GRAMD2A: variants seen among roughly 807,000 people sequenced by gnomAD.
GRAMD2A encodes the protein GRAM domain containing 2A.
In GRAMD2A, 37 loss-of-function variants were observed where a neutral mutation model predicts 51.1. The observed-to-expected ratio is 0.72, with a 90% CI of 0.56 to 0.95. GRAMD2A has a LOEUF of 0.95. GRAMD2A is among the 40% of genes least tolerant of loss of function. The probability of loss-of-function intolerance (pLI) is 0.00; values close to 1 mark genes in which losing one functional copy is unlikely to be tolerated. For missense variants in GRAMD2A, 414 were observed against 426.9 expected, an observed-to-expected ratio of 0.97 and a Z score of 0.27; for synonymous variants, 136 against 157.1, an observed-to-expected ratio of 0.87 and a Z score of 1.01.
chr15:72,167,764 T>C lies in GRAMD2A; in HGVS notation c.344A>G (p.His115Arg). ...GATATCCTTGCCAAAGAGGCTGGCA[T>C]GGAAGCAGAGCCAGTTGGGGGAGAT... is the stretch of plus-strand genomic sequence containing the variant. ...LYISPNWLCF[H>R]ASLFGKDIKV... Residue 115 changes from histidine (H) to arginine (R), a missense_variant, in exon 5 of 12, where the codon CAT becomes CGT. Transcript: ENST00000309731. 1 of 1,613,806 alleles carries C rather than the reference T, an allele frequency of 6.2e-7. No individual in the cohort carries two copies. Among genetic ancestry groups the C allele is most frequent in the Non-Finnish European group, 8.5e-7 (1 of 1,179,768 alleles).
chr15:72,167,584 A>G, intron 5 of GRAMD2A, 152 bp downstream of exon 5: 2 of 664,744 alleles, frequency 3.0e-6, no homozygotes, highest in Non-Finnish European at 5.3e-6. Context: ...TGGACACTGG[A>G]TGGGATGCCT....
In GRAMD2A at chr15:72,166,596, C is replaced by T. The variant is rs571962488; in HGVS notation, c.543+36G>A. On this transcript the variant is annotated intron_variant, in intron 7 of 11. Coordinates refer to ENST00000309731, the MANE Select transcript of GRAMD2A (RefSeq NM_001012642.3). The surrounding 1 kb of genome is among the most constrained non-coding windows in gnomAD (Gnocchi z 4.1). ...TGCAAGACCTGCATCCAGGCCTGAG[C>T]GACTTCCCTGGCCTTCCTGCTCCCA... The T allele has an allele frequency of 3.2e-5, 49 of 1,536,220 alleles. No homozygotes were observed. In the African/African-American group the frequency reaches 4.2e-4, roughly 13 times the overall value.
chr15:72,166,991 G>A lies in GRAMD2A; in HGVS notation c.471+3C>T. 6.2e-7 allele frequency: 1 copy of A among 1,611,102 alleles called. No homozygotes were observed. The highest frequency in any genetic ancestry group is 8.5e-7 in the Non-Finnish European group (1 of 1,177,228). On this transcript the variant is annotated splice_donor_region_variant and intron_variant, in intron 6 of 11. Transcript: ENST00000309731. This position sits in a 1 kb window ranked among gnomAD's most constrained non-coding sequence, Gnocchi z 4.1. ...CAAGGGAGCATGGGCCCAGTGCACT[G>A]ACCTTCTGGCTGGTGTTGGTGGTGA...
chr15:72,162,120 G>T, intron 11 of GRAMD2A, 108 bp from the exon 12 acceptor site: 1 of 1,435,932 alleles, frequency 7.0e-7, no homozygotes, highest in Non-Finnish European at 9.8e-7. Context: ...GGCCAGGGTG[G>T]GACTGGTGTA....
In GRAMD2A at chr15:72,170,789, G is replaced by A. The variant is rs984581736; in HGVS notation, c.42-850C>T. ...GAGAGGGTGGCCAAGAAGCAGGGCC[G>A]TGCTGGGGCAGTGTGGTGGTCAGGA... On this transcript the variant is annotated intron_variant, in intron 1 of 11. Coordinates refer to ENST00000309731, the MANE Select transcript of GRAMD2A (RefSeq NM_001012642.3). The surrounding 1 kb of genome is among the most constrained non-coding windows in gnomAD (Gnocchi z 4.5). 2.0e-5 allele frequency among the ~76,000 whole-genome samples: 3 copies of A among 152,328 alleles called. No homozygotes were observed. The highest frequency in any genetic ancestry group is 1.9e-4 in the East Asian group (1 of 5,192).
At chr15:72,162,109 G>T in intron 11 of GRAMD2A, 97 bp from the exon 12 acceptor site, 1 of 1,485,148 alleles carries the variant, frequency 6.7e-7, no homozygotes, top group Non-Finnish European at 9.4e-7. Context: ...CCCCAAGAGT[G>T]GGCCAGGGTG....
intron 1 of GRAMD2A, among the ~76,000 whole-genome samples, chr15:72,184,445 C>G (rs1223824252): frequency 6.6e-6 from 1 of 152,220 alleles, no homozygotes; most frequent in East Asian, 1.9e-4. Context: ...CCAGGAGTGC[C>G]GCAGCCGTGC....
intron 1 of GRAMD2A, among the ~76,000 whole-genome samples, chr15:72,184,839 A>C (rs1325249838): frequency 6.6e-6 from 1 of 152,258 alleles, no homozygotes; most frequent in African/African-American, 2.4e-5. Flanking sequence ...CATGTTAAAG[A>C]GGGACAATTA....
In GRAMD2A at chr15:72,160,715, T is replaced by C. The variant is rs919754223; in HGVS notation, c.*1294A>G. The C allele has an allele frequency of 2.0e-5, 3 of 152,194 alleles. No homozygotes were observed. Among genetic ancestry groups the C allele is most frequent in the Non-Finnish European group, 4.4e-5 (3 of 68,078 alleles). The allele number at this position is 152,194 out of a possible 1,614,324, so 9.4% of individuals were successfully genotyped here. ...CCTCCAAAGCCACTATCTTAGCAGA[T>C]GGGAGTCCCAGGGCGATGAGGCCAG... On this transcript the variant is annotated 3_prime_UTR_variant, in exon 12 of 12. Coordinates refer to ENST00000309731, the MANE Select transcript of GRAMD2A (RefSeq NM_001012642.3).
intron 1 of GRAMD2A, among the ~76,000 whole-genome samples, chr15:72,179,533 C>T (rs2081681334): frequency 1.3e-5 from 2 of 152,206 alleles, no homozygotes; most frequent in Admixed American, 6.5e-5. Flanking sequence ...GGCCATGGGC[C>T]AGGCCTCCAG....
In GRAMD2A at chr15:72,161,951, AC is replaced by A; in HGVS notation, c.*57del. Reference sequence around the variant, plus strand: ...TAAACCACAGGGATCATTGGTGGAGACTTAGCACCCAGAACATTCTTCTTGG... The same window carrying A: ...TAAACCACAGGGATCATTGGTGGAGATTAGCACCCAGAACATTCTTCTTGG... On this transcript the variant is annotated 3_prime_UTR_variant, in exon 12 of 12. Coordinates refer to ENST00000309731, the MANE Select transcript of GRAMD2A (RefSeq NM_001012642.3). The A allele has an allele frequency of 6.3e-7, 1 of 1,592,696 alleles. No homozygotes were observed. The highest frequency in any genetic ancestry group is 8.6e-7 in the Non-Finnish European group (1 of 1,160,472).
At chr15:72,192,981 T>A (rs1021509974) in intron 1 of GRAMD2A, among the ~76,000 whole-genome samples, 1 of 151,660 alleles carries the variant, frequency 6.6e-6, no homozygotes, top group Non-Finnish European at 1.5e-5. Context: ...AAAAAATTAG[T>A]CGGGCGTGGT....
chr15:72,190,014 A>G (rs966287993), intron 1 of GRAMD2A, among the ~76,000 whole-genome samples: 2 of 152,230 alleles, frequency 1.3e-5, no homozygotes, highest in African/African-American at 4.8e-5. Context: ...CAGGAATTTC[A>G]AAATGTATGC....
chr15:72,184,497 C>G (rs969141336), intron 1 of GRAMD2A, among the ~76,000 whole-genome samples: 3 of 152,250 alleles, frequency 2.0e-5, no homozygotes, highest in Non-Finnish European at 4.4e-5. Flanking sequence ...GCGCGCCCCT[C>G]TGAGCCCCTT....
At chr15:72,173,204 G>C (rs1331222990) in intron 1 of GRAMD2A, among the ~76,000 whole-genome samples, 2 of 152,208 alleles carry the variant, frequency 1.3e-5, no homozygotes, top group South Asian at 4.1e-4. Context: ...GGGGTTCCTA[G>C]AGAAAAGGAA....
In GRAMD2A at chr15:72,166,755, C is replaced by A; in HGVS notation, c.472-52G>T. 1 of 1,484,314 alleles carries A rather than the reference C, an allele frequency of 6.7e-7. No individual in the cohort carries two copies. Among genetic ancestry groups the A allele is most frequent in the Non-Finnish European group, 9.4e-7 (1 of 1,067,012 alleles). The allele number at this position is 1,484,314 out of a possible 1,614,324, so 91.9% of individuals were successfully genotyped here. On this transcript the variant is annotated intron_variant, in intron 6 of 11. Transcript: ENST00000309731. The surrounding 1 kb of genome is among the most constrained non-coding windows in gnomAD (Gnocchi z 4.1). ...GGGTAGGGTGAGATGAGACTCCTTG[C>A]TGTGCCAGCCAGCCCCCTTGTGGAT... is the stretch of plus-strand genomic sequence containing the variant.
chr15:72,170,013 A>T lies in GRAMD2A; in HGVS notation c.42-74T>A. 1 of 1,065,732 alleles carries T rather than the reference A, an allele frequency of 9.4e-7. No individual in the cohort carries two copies. The highest frequency in any genetic ancestry group is 1.5e-6 in the Non-Finnish European group (1 of 680,272). The allele number at this position is 1,065,732 out of a possible 1,614,324, so 66.0% of individuals were successfully genotyped here. On this transcript the variant is annotated intron_variant, in intron 1 of 11. Coordinates refer to ENST00000309731, the MANE Select transcript of GRAMD2A (RefSeq NM_001012642.3). The surrounding 1 kb of genome is among the most constrained non-coding windows in gnomAD (Gnocchi z 4.5). ...TTTCCCTAACAGCCCCACCATGCCC[A>T]TGGCCGCTGCCTCTGGCCCCCACCC...
rs895492895 is a variant in GRAMD2A, at chr15:72,193,527, C to CT, written c.41+4203dup. Among the ~76,000 whole-genome samples the CT allele has an allele frequency of 4.4e-3, 586 of 134,620 alleles. 6 individuals are homozygous for CT. Among genetic ancestry groups the CT allele is most frequent in the East Asian group, 0.031 (135 of 4,418 alleles). The allele number at this position is 134,620 out of a possible 152,430, so 88.3% of individuals were successfully genotyped here. ...GCCACCACACCCGGCTTGTGCATTT[C>CT]TTTTTTTTTTTTCGAGACGCAGTCT... On this transcript the variant is annotated intron_variant, in intron 1 of 11. Coordinates refer to ENST00000309731, the MANE Select transcript of GRAMD2A (RefSeq NM_001012642.3).
intron 1 of GRAMD2A, among the ~76,000 whole-genome samples, chr15:72,189,985 G>T (rs972398223): frequency 6.6e-6 from 1 of 152,192 alleles, no homozygotes; most frequent in Non-Finnish European, 1.5e-5. Context: ...GGAAAAAAAG[G>T]TGCATTGTAA....
Sources: gnomAD v4.1 joint callset for allele counts (sites outside exome capture counted in the v4.1 genomes callset) on GRCh38, gnomAD v4.1.1 for gene constraint, Gnocchi (gnomAD v3.1) non-coding constraint, MANE v1.5 for transcripts, NCBI Gene and HGNC (gene_info 2026-07-23, HGNC 2026-07-21) for gene names.